Variants in NLRP8 observed in about 807,000 individuals in gnomAD.
NLRP8 encodes the protein NLR family pyrin domain containing 8, also known as NACHT, LRR and PYD domains-containing protein 8.
In NLRP8, 86 loss-of-function variants were observed where a neutral mutation model predicts 88.7. The ratio of observed to expected loss-of-function variants is 0.97; its 90% CI spans 0.81 to 1.16. The LOEUF (loss-of-function observed/expected upper bound fraction) is 1.16, where lower values mean the gene tolerates loss of function less well. Ranked by LOEUF, NLRP8 falls within the 50% of genes most tolerant of loss-of-function variation. The pLI is 0.00. For missense variants in NLRP8, 1,342 were observed against 1,286.5 expected (o/e 1.04, Z -0.66); for synonymous variants, 504 against 494.6 (o/e 1.02, Z -0.25).
chr19:55,986,878 A>G (rs1391962574), intron 9 of NLRP8, among the ~76,000 whole-genome samples: 1 of 152,116 alleles, frequency 6.6e-6, no homozygotes, highest in Admixed American at 6.5e-5. Flanking sequence ...TCCACTGCTG[A>G]TTAGAACCCG....
In NLRP8 at chr19:55,973,796, C is replaced by G; in HGVS notation, c.2679C>G (p.His893Gln). The G allele has an allele frequency of 6.2e-7, 1 of 1,613,746 alleles. No homozygotes were observed. Among genetic ancestry groups the G allele is most frequent in the Non-Finnish European group, 8.5e-7 (1 of 1,179,794 alleles). ...AGCATATTTGGAATGCCCTGCCACA[C>G]CTGAGATGTCCTCTGCAGAGGCTGG... Residue 893 changes from histidine to glutamine, a missense_variant, in exon 7 of 10, where the codon CAC becomes CAG. Physicochemically the swap from His to Gln is conservative, Grantham distance 24. Transcript: ENST00000291971.
chr19:55,976,063 CGTT>C (rs373685679), intron 7 of NLRP8, 67 bp from the exon 8 acceptor site: 533 of 1,297,528 alleles, frequency 4.1e-4, no homozygotes, highest in South Asian at 6.4e-4. Context: ...AGGGTGTTTT[CGTT>C]GTTGTTGTTG....
rs574467046 is a variant in NLRP8 at position 55,976,658 on chromosome 19, G to C, written c.2876+355G>C. Among the ~76,000 whole-genome samples, 14 of 116,040 alleles carry C rather than the reference G, an allele frequency of 1.2e-4. No homozygotes were observed. In the South Asian group the frequency reaches 3.4e-3, roughly 28 times the overall value. The allele number at this position is 116,040 out of a possible 152,430, so 76.1% of individuals were successfully genotyped here. ...TTTAGACTGATATCTGAGATGACTGGTCTGAAATTGAATTTTACACTTAGG... is the reference window on the plus strand; with the variant it reads ...TTTAGACTGATATCTGAGATGACTGCTCTGAAATTGAATTTTACACTTAGG... On this transcript the variant is annotated intron_variant, in intron 8 of 9. Coordinates refer to ENST00000291971, the MANE Select transcript of NLRP8 (RefSeq NM_176811.2).
At chr19:55,972,361 T>C (rs993206025) in intron 6 of NLRP8, among the ~76,000 whole-genome samples, 59 of 152,042 alleles carry the variant, frequency 3.9e-4, no homozygotes, top group Non-Finnish European at 6.2e-4. Context: ...GTGATCCACC[T>C]GCCTCGACCT....
At chr19:55,962,284 C>G (rs1422333087) in intron 4 of NLRP8, 47 bp downstream of exon 4, 4 of 1,557,976 alleles carry the variant, frequency 2.6e-6, no homozygotes, top group African/African-American at 2.7e-5. Context: ...TGGAGATGGT[C>G]TGTTTCCCAT....
Position 55,955,453 on chromosome 19 carries a change from G to A in NLRP8, c.1395G>A (p.Arg465=). ...TGGCCGCAGACAGCATGTGGCACAG[G>A]AAATGGGTGTTAGGTAAAGAAGATC... is the stretch of plus-strand genomic sequence containing the variant. The change falls in exon 3 of 10, where the codon AGG becomes AGA. Residue 465 remains arginine, a synonymous_variant. Coordinates refer to ENST00000291971, the MANE Select transcript of NLRP8 (RefSeq NM_176811.2). 1.2e-6 allele frequency: 2 copies of A among 1,614,242 alleles called. No individual in the cohort carries two copies. Among genetic ancestry groups the A allele is most frequent in the Non-Finnish European group, 1.7e-6 (2 of 1,180,032 alleles).
rs1980937728 is a variant in NLRP8 at position 55,988,069 on chromosome 19, G to T, written c.*156G>T. ...CAGAACCTCAGCTTTGAACCCTGGA[G>T]TGAGGACGGTGATGCCCTGTGTGTA... On this transcript the variant is annotated 3_prime_UTR_variant, in exon 10 of 10. Coordinates refer to ENST00000291971, the MANE Select transcript of NLRP8 (RefSeq NM_176811.2). 1 of 612,400 alleles carries T rather than the reference G, an allele frequency of 1.6e-6. No individual in the cohort carries two copies. Among genetic ancestry groups the T allele is most frequent in the Non-Finnish European group, 3.0e-6 (1 of 337,386 alleles). 37.9% of individuals were successfully genotyped at this position (612,400 alleles called of 1,614,324 possible).
intron 2 of NLRP8, among the ~76,000 whole-genome samples, chr19:55,952,954 A>G (rs1385833332): frequency 2.0e-5 from 3 of 152,074 alleles, no homozygotes; most frequent in Non-Finnish European, 2.9e-5. Flanking sequence ...AAACAGACAC[A>G]AACCATTGGC....
chr19:55,957,444 G>C (rs928202597), intron 3 of NLRP8, among the ~76,000 whole-genome samples: 2 of 151,812 alleles, frequency 1.3e-5, no homozygotes, highest in African/African-American at 4.8e-5. Flanking sequence ...CCAGCACTTT[G>C]GGAGGCCGAG....
chr19:55,971,380 G>A (rs932070165), intron 6 of NLRP8, among the ~76,000 whole-genome samples: 1 of 144,360 alleles, frequency 6.9e-6, no homozygotes, highest in African/African-American at 2.6e-5. Context: ...GCTAGAGGTT[G>A]CAGTGAGCCG....
chr19:55,966,244 C>A lies in NLRP8; in HGVS notation c.2245C>A (p.Gln749Lys), dbSNP rs770454023. 4 of 1,614,070 alleles carry A rather than the reference C, an allele frequency of 2.5e-6. No homozygotes were observed. Among genetic ancestry groups the A allele is most frequent in the Non-Finnish European group, 3.4e-6 (4 of 1,179,996 alleles). ...GCGTGTGAATAGCACCATGTTGAACCAGGACTTAATCGGTGTTTTGACGGG... is the reference window on the plus strand; with the variant it reads ...GCGTGTGAATAGCACCATGTTGAACAAGGACTTAATCGGTGTTTTGACGGG... The change falls in exon 5 of 10, where the codon CAG (glutamine) becomes AAG (lysine). Residue 749 changes from glutamine to lysine, a missense_variant. By Grantham distance (53) the Gln-to-Lys change is moderately conservative. Transcript: ENST00000291971.
chr19:55,962,371 G>A (rs898125660), intron 4 of NLRP8, 134 bp downstream of exon 4: 1 of 941,352 alleles, frequency 1.1e-6, no homozygotes, highest in Non-Finnish European at 1.6e-6. Context: ...GGAGGTGCAG[G>A]AGGAATGAGT....
At chr19:55,985,378 T>G (rs930136854) in intron 9 of NLRP8, among the ~76,000 whole-genome samples, 1 of 152,076 alleles carries the variant, frequency 6.6e-6, no homozygotes, top group African/African-American at 2.4e-5. Context: ...GTATTTTCCA[T>G]ACATGTAATT....
At chr19:55,951,731 A>C (rs1979103814) in intron 1 of NLRP8, among the ~76,000 whole-genome samples, 1 of 152,092 alleles carries the variant, frequency 6.6e-6, no homozygotes, top group African/African-American at 2.4e-5. Flanking sequence ...ATGCTATGTA[A>C]ATAGTTGTTA....
chr19:55,955,112 G>A lies in NLRP8; in HGVS notation c.1054G>A (p.Val352Ile), dbSNP rs201462125. ...GCCCTTGCTGAAATGTCCCTCTCTC[G>A]TAACCCTTCCGGGGTTTAATACGAT... The change falls in exon 3 of 10, where the codon GTA (valine) becomes ATA (isoleucine). Residue 352 changes from valine (V) to isoleucine (I), a missense_variant. By Grantham distance (29) the Val-to-Ile change is conservative. Transcript: ENST00000291971. 2.4e-5 allele frequency: 39 copies of A among 1,614,034 alleles called. No individual in the cohort carries two copies. The highest frequency in any genetic ancestry group is 1.6e-4 in the Middle Eastern group (1 of 6,062).
intron 6 of NLRP8, among the ~76,000 whole-genome samples, chr19:55,972,937 A>G (rs1043396404): frequency 6.6e-6 from 1 of 151,968 alleles, no homozygotes; most frequent in Non-Finnish European, 1.5e-5. Context: ...GTGTGTAAGT[A>G]TCTTTTTCAT....
intron 6 of NLRP8, 115 bp downstream of exon 6, chr19:55,970,811 C>T (rs1449642193): frequency 2.2e-6 from 3 of 1,343,982 alleles, no homozygotes; most frequent in Non-Finnish European, 3.1e-6. Flanking sequence ...TAGGAGCAAA[C>T]ATAAGTCTTG....
At chr19:55,973,614 C>G in intron 6 of NLRP8, 38 bp from the exon 7 acceptor site, 1 of 1,541,196 alleles carries the variant, frequency 6.5e-7, no homozygotes, top group Non-Finnish European at 8.8e-7. Flanking sequence ...GACAAAGACC[C>G]CTCTCCATTC....
At chr19:55,981,792 C>T (rs1240114920) in intron 9 of NLRP8, among the ~76,000 whole-genome samples, 2 of 152,160 alleles carry the variant, frequency 1.3e-5, no homozygotes, top group African/African-American at 4.8e-5. Flanking sequence ...GTTATGGCAG[C>T]ATTTAAAACT....
Sources: gnomAD v4.1 joint callset for allele counts (sites outside exome capture counted in the v4.1 genomes callset) on GRCh38, gnomAD v4.1.1 for gene constraint, MANE v1.5 for transcripts, NCBI Gene and HGNC (gene_info 2026-07-23, HGNC 2026-07-21) for gene names.